Variants in ROBO2 observed in about 807,000 individuals in gnomAD.
ROBO2 encodes the protein roundabout homolog 2.
ROBO2 carries 53 observed loss-of-function variants against 160.8 expected under a neutral mutation model. The observed-to-expected ratio is 0.33, with a 90% CI of 0.26 to 0.41. The LOEUF is 0.41. Among genes scored for constraint, ROBO2 ranks in the 10% least tolerant of loss-of-function variants. The pLI is 1.00. For missense variants in ROBO2, 1,577 were observed against 1,722.4 expected, an observed-to-expected ratio of 0.92 and a Z score of 1.49; for synonymous variants, 664 against 611.7, an observed-to-expected ratio of 1.09 and a Z score of -1.26.
intron 2 of ROBO2, among the ~76,000 whole-genome samples, chr3:76,829,936 G>A (rs1282646821): frequency 6.6e-6 from 1 of 152,166 alleles, no homozygotes; most frequent in East Asian, 1.9e-4. Flanking sequence ...CCCAAGTGCT[G>A]GGATTACAGG....
chr3:76,669,375 T>C (rs1177030214), intron 2 of ROBO2, among the ~76,000 whole-genome samples: 1 of 152,146 alleles, frequency 6.6e-6, no homozygotes, highest in Non-Finnish European at 1.5e-5. Flanking sequence ...TCTTAGCTTG[T>C]AAAATAGTCT....
At chr3:76,687,640 T>G (rs2107126666) in intron 2 of ROBO2, among the ~76,000 whole-genome samples, 1 of 152,120 alleles carries the variant, frequency 6.6e-6, no homozygotes, top group African/African-American at 2.4e-5. Context: ...ATAATAAAAC[T>G]GAGCCATTAA....
rs368951499 is a variant in ROBO2, at chr3:76,342,840, T to A, written c.109+405238T>A. 5.3e-5 allele frequency among the ~76,000 whole-genome samples: 8 copies of A among 152,070 alleles called. No homozygotes were observed. The East Asian group carries it at 1.4e-3, about 26-fold the overall frequency. ...ATTAATTAAAATCTATACCCACTGT[T>A]TATAGGGAAAAAAACTGAATGAAAT... On this transcript the variant is annotated intron_variant, in intron 2 of 26. Transcript: ENST00000487694.
chr3:77,160,268 T>C (rs1177855031), intron 2 of ROBO2, among the ~76,000 whole-genome samples: 1 of 152,192 alleles, frequency 6.6e-6, no homozygotes, highest in Non-Finnish European at 1.5e-5. Context: ...TTACATATGG[T>C]AGCATTTTAC....
intron 2 of ROBO2, among the ~76,000 whole-genome samples, chr3:76,001,329 C>G (rs2065880780): frequency 1.3e-5 from 2 of 152,046 alleles, no homozygotes; most frequent in African/African-American, 4.8e-5. Context: ...GCTAAATAGT[C>G]ATTATCCTTA....
At chr3:77,458,446 A>T (rs2081914006) in intron 2 of ROBO2, among the ~76,000 whole-genome samples, 1 of 152,186 alleles carries the variant, frequency 6.6e-6, no homozygotes, top group Non-Finnish European at 1.5e-5. Flanking sequence ...AGCTGGCTTA[A>T]ATTTTTCTTA....
intron 2 of ROBO2, among the ~76,000 whole-genome samples, chr3:76,605,482 A>G (rs1030017498): frequency 5.3e-5 from 8 of 152,178 alleles, no homozygotes; most frequent in African/African-American, 1.4e-4. Flanking sequence ...AAAACTAACA[A>G]TTGTTCATGT....
At chr3:76,951,832 T>G (rs1388768862) in intron 2 of ROBO2, among the ~76,000 whole-genome samples, 1 of 152,200 alleles carries the variant, frequency 6.6e-6, no homozygotes, top group East Asian at 1.9e-4. Flanking sequence ...CAAAGCCAAC[T>G]GCTATATCTT....
chr3:77,389,050 T>G (rs6790512), intron 2 of ROBO2, among the ~76,000 whole-genome samples: 34,385 of 152,126 alleles, frequency 0.23, 4,720 homozygotes, highest in Non-Finnish European at 0.31. Context: ...GTTCAAGCGA[T>G]TCTCCTGCCT....
chr3:76,440,689 C>T (rs1402528907), intron 2 of ROBO2, among the ~76,000 whole-genome samples: 2 of 152,124 alleles, frequency 1.3e-5, no homozygotes, highest in Non-Finnish European at 2.9e-5. Context: ...TTGGTGAAGG[C>T]CTGCTCCTGG....
intron 2 of ROBO2, among the ~76,000 whole-genome samples, chr3:76,284,053 C>T (rs1708383808): frequency 6.6e-6 from 1 of 151,974 alleles, no homozygotes. Flanking sequence ...ATTGCAGTGG[C>T]TTCATTTGGT....
At chr3:77,005,580 G>C (rs1481171180) in intron 2 of ROBO2, among the ~76,000 whole-genome samples, 1 of 152,012 alleles carries the variant, frequency 6.6e-6, no homozygotes, top group African/African-American at 2.4e-5. Flanking sequence ...TCTTCTTTTA[G>C]GACTAATAAA....
At chr3:76,556,134 G>GAGAA (rs999843029) in intron 2 of ROBO2, among the ~76,000 whole-genome samples, 2 of 151,840 alleles carry the variant, frequency 1.3e-5, no homozygotes, top group Non-Finnish European at 2.9e-5. Flanking sequence ...GGAAGAAAGT[G>GAGAA]AGAAAGAAAG....
chr3:77,133,838 T>C (rs999440708), intron 2 of ROBO2, among the ~76,000 whole-genome samples: 1 of 152,236 alleles, frequency 6.6e-6, no homozygotes, highest in African/African-American at 2.4e-5. Context: ...CATTTTCTTA[T>C]CTATTTTATT....
intron 2 of ROBO2, among the ~76,000 whole-genome samples, chr3:76,649,622 A>T (rs1213780545): frequency 6.6e-6 from 1 of 152,174 alleles, no homozygotes; most frequent in Admixed American, 6.5e-5. Context: ...CATTCAAAAA[A>T]ATTTTTATAT....
chr3:76,460,616 A>G (rs962400385), intron 2 of ROBO2, among the ~76,000 whole-genome samples: 4 of 152,204 alleles, frequency 2.6e-5, no homozygotes, highest in Non-Finnish European at 5.9e-5. Flanking sequence ...AACAAGGAAC[A>G]CCAACTTGCC....
intron 2 of ROBO2, among the ~76,000 whole-genome samples, chr3:76,569,474 A>G (rs773944708): frequency 9.9e-5 from 15 of 152,202 alleles, no homozygotes; most frequent in Non-Finnish European, 2.2e-4. Context: ...ATTGTATGGG[A>G]AAAACATCAG....
chr3:77,244,158 T>A (rs1359698372), intron 2 of ROBO2, among the ~76,000 whole-genome samples: 1 of 152,222 alleles, frequency 6.6e-6, no homozygotes, highest in South Asian at 2.1e-4. Flanking sequence ...GGCCTCAGGC[T>A]AAATTTTGTC....
At chr3:77,374,279 G>A (rs73095930) in intron 2 of ROBO2, among the ~76,000 whole-genome samples, 18,461 of 148,478 alleles carry the variant, frequency 0.12, 1,316 homozygotes, top group Middle Eastern at 0.18. Flanking sequence ...AGTTTTTTTG[G>A]TGTTTTCAAC....
Sources: allele counts gnomAD v4.1 joint callset (sites outside exome capture counted in the v4.1 genomes callset), GRCh38; gene constraint gnomAD v4.1.1; transcripts MANE v1.5; gene names NCBI Gene and HGNC (gene_info 2026-07-23, HGNC 2026-07-21).